The following ZNF521 variants were observed in gnomAD, a reference collection of about 807,000 sequenced individuals.
ZNF521 encodes the protein zinc finger protein 521.
A neutral mutation model predicts 105.5 loss-of-function variants in ZNF521; 14 were observed. The ratio of observed to expected loss-of-function variants is 0.13; its 90% CI spans 0.09 to 0.21. The LOEUF is 0.21. Ranked by LOEUF, ZNF521 falls within the 10% of genes least tolerant of loss-of-function variation. ZNF521 has a pLI of 1.00. For missense variants in ZNF521, 1,233 were observed against 1,629.7 expected, an observed-to-expected ratio of 0.76 and a Z score of 4.19; for synonymous variants, 635 against 606.0, an observed-to-expected ratio of 1.05 and a Z score of -0.70.
intron 3 of ZNF521, among the ~76,000 whole-genome samples, chr18:25,293,048 T>C (rs1286026601): frequency 6.6e-6 from 1 of 152,166 alleles, no homozygotes; most frequent in African/African-American, 2.4e-5. Flanking sequence ...TTTTCCCATA[T>C]ATATTCTGCC....
chr18:25,114,761 T>C (rs1053598187), intron 5 of ZNF521, among the ~76,000 whole-genome samples: 4 of 152,164 alleles, frequency 2.6e-5, no homozygotes, highest in African/African-American at 9.6e-5. Context: ...TGGGTAAACA[T>C]CTCTATCCTT....
At chr18:25,325,982 T>C (rs1386485962) in intron 2 of ZNF521, among the ~76,000 whole-genome samples, 2 of 152,046 alleles carry the variant, frequency 1.3e-5, no homozygotes, top group African/African-American at 2.4e-5. Context: ...GTGGGGAAAA[T>C]GAAAAATTGC....
chr18:25,139,091 C>G (rs988276795), intron 5 of ZNF521, among the ~76,000 whole-genome samples: 4 of 152,098 alleles, frequency 2.6e-5, no homozygotes, highest in Non-Finnish European at 4.4e-5. Context: ...CAAAAAGACG[C>G]TGGGCACGGT....
intron 2 of ZNF521, among the ~76,000 whole-genome samples, chr18:25,330,033 G>C (rs1232652497): frequency 6.6e-6 from 1 of 152,114 alleles, no homozygotes; most frequent in Non-Finnish European, 1.5e-5. Flanking sequence ...TCCTAGACAG[G>C]AGCATGCTTT....
chr18:25,165,353 C>T (rs1208764265), intron 5 of ZNF521, among the ~76,000 whole-genome samples: 1 of 152,130 alleles, frequency 6.6e-6, no homozygotes, highest in East Asian at 1.9e-4. Flanking sequence ...CTCAATTATA[C>T]CAAAAAACAC....
chr18:25,065,392 G>A (rs186403870), intron 7 of ZNF521, among the ~76,000 whole-genome samples: 1 of 152,210 alleles, frequency 6.6e-6, no homozygotes, highest in East Asian at 1.9e-4. Flanking sequence ...CAAAATTATT[G>A]AAAATATTGT....
intron 3 of ZNF521, among the ~76,000 whole-genome samples, chr18:25,235,434 C>T (rs73409115): frequency 6.6e-6 from 1 of 152,138 alleles, no homozygotes; most frequent in African/African-American, 2.4e-5. Flanking sequence ...GAAATGGCTT[C>T]GTTAGGGAAT....
chr18:25,332,600 C>T (rs1028356451), intron 2 of ZNF521, among the ~76,000 whole-genome samples: 9 of 152,028 alleles, frequency 5.9e-5, no homozygotes, highest in African/African-American at 1.7e-4. Flanking sequence ...TAACACTTTC[C>T]TTAAGGAATC....
intron 2 of ZNF521, among the ~76,000 whole-genome samples, chr18:25,328,738 G>A (rs537067867): frequency 1.3e-5 from 2 of 151,912 alleles, no homozygotes; most frequent in East Asian, 1.9e-4. Context: ...ATTTTTAGTA[G>A]AGACCAGGTT....
At position 25,347,188 on chromosome 18, in the gene ZNF521, C is replaced by G. The variant is rs567839417; in HGVS notation, c.40+3719G>C. On this transcript the variant is annotated intron_variant, in intron 2 of 7. Coordinates refer to ENST00000361524, the MANE Select transcript of ZNF521 (RefSeq NM_015461.3). ...ACTATTTTGAGTCAGGTAATCTACT[C>G]AAGTACCATGTCTACTCTCAGGAAT... Among the ~76,000 whole-genome samples the G allele has an allele frequency of 5.5e-4, 83 of 152,278 alleles. 1 individual carries two copies. Among genetic ancestry groups the G allele is most frequent in the Middle Eastern group, 3.4e-3 (1 of 294 alleles).
chr18:25,299,293 CAA>C (rs888799878), intron 3 of ZNF521, among the ~76,000 whole-genome samples: 17 of 152,246 alleles, frequency 1.1e-4, no homozygotes, highest in Admixed American at 1.0e-3. Context: ...GTTCGTGCTA[CAA>C]AGTCCAATGA....
At position 25,224,716 on chromosome 18, in the gene ZNF521, C is replaced by T. The variant is rs1342805042; in HGVS notation, c.3202G>A (p.Ala1068Thr). The T allele has an allele frequency of 4.3e-6, 7 of 1,613,852 alleles. No homozygotes were observed. The highest frequency in any genetic ancestry group is 1.1e-5 in the South Asian group (1 of 91,080). ...GAACGGAATTCTTTGAGGCAAGATGCGCACTTATACAGTTTTTGGACGTGC... is the reference window on the plus strand; with the variant it reads ...GAACGGAATTCTTTGAGGCAAGATGTGCACTTATACAGTTTTTGGACGTGC... ...GQHVQKLYKC[A>T]SCLKEFRSKQ... The change falls in exon 4 of 8, where the codon GCA becomes ACA. Residue 1068 changes from alanine (A) to threonine (T), a missense_variant. Ala to Thr is a moderately conservative substitution (Grantham distance 58). Around this residue, in one of 6 missense-constraint regions of ZNF521, gnomAD observed 614 missense variants for 751.5 expected, o/e 0.82. Coordinates refer to ENST00000361524, the MANE Select transcript of ZNF521 (RefSeq NM_015461.3).
At chr18:25,312,022 A>G (rs897559269) in intron 3 of ZNF521, among the ~76,000 whole-genome samples, 1 of 152,156 alleles carries the variant, frequency 6.6e-6, no homozygotes, top group Non-Finnish European at 1.5e-5. Context: ...TTTCTAGGAG[A>G]TTACATCCTT....
At chr18:25,141,251 A>G (rs570685868) in intron 5 of ZNF521, among the ~76,000 whole-genome samples, 1 of 152,286 alleles carries the variant, frequency 6.6e-6, no homozygotes, top group South Asian at 2.1e-4. Context: ...TGAGTAGTAA[A>G]TTAAAAATTA....
chr18:25,239,980 T>C (rs1017803701), intron 3 of ZNF521, among the ~76,000 whole-genome samples: 2 of 151,488 alleles, frequency 1.3e-5, no homozygotes, highest in African/African-American at 4.9e-5. Flanking sequence ...TTTCAAGCCA[T>C]CTTATCTTAT....
chr18:25,214,045 C>G (rs1022990381), intron 4 of ZNF521, among the ~76,000 whole-genome samples: 1 of 152,006 alleles, frequency 6.6e-6, no homozygotes, highest in Non-Finnish European at 1.5e-5. Context: ...TCAGATATCA[C>G]TCACCAGGAT....
intron 3 of ZNF521, among the ~76,000 whole-genome samples, chr18:25,228,993 T>C (rs941844831): frequency 2.6e-5 from 4 of 152,194 alleles, no homozygotes; most frequent in South Asian, 2.1e-4. Flanking sequence ...CTGGTGGGGA[T>C]AGTGTTTCAG....
intron 5 of ZNF521, among the ~76,000 whole-genome samples, chr18:25,105,070 G>T (rs1326864488): frequency 6.6e-6 from 1 of 152,074 alleles, no homozygotes; most frequent in Non-Finnish European, 1.5e-5. Context: ...GGACAGCATG[G>T]GATTGATGAA....
intron 3 of ZNF521, among the ~76,000 whole-genome samples, chr18:25,317,573 G>T (rs962900080): frequency 6.6e-6 from 1 of 152,094 alleles, no homozygotes; most frequent in Non-Finnish European, 1.5e-5. Flanking sequence ...CAGTCCAGTG[G>T]GAACGCTGAA....
Sources: allele counts gnomAD v4.1 joint callset (sites outside exome capture counted in the v4.1 genomes callset), GRCh38; gene constraint gnomAD v4.1.1; regional missense constraint gnomAD v4.1.1; transcripts MANE v1.5; gene names NCBI Gene and HGNC (gene_info 2026-07-23, HGNC 2026-07-21).